Variants in JAK2 observed in about 807,000 individuals in gnomAD.
The protein encoded by JAK2 is tyrosine-protein kinase JAK2.
JAK2 carries 86 observed loss-of-function variants against 139.3 expected under a neutral mutation model. The ratio of observed to expected loss-of-function variants is 0.62; its 90% CI spans 0.52 to 0.74. JAK2 has a LOEUF of 0.74. Among genes scored for constraint, JAK2 ranks in the 30% least tolerant of loss-of-function variants. The pLI is 0.00. For missense variants in JAK2, 1,421 were observed against 1,360.3 expected, an observed-to-expected ratio of 1.04 and a Z score of -0.70; for synonymous variants, 490 against 437.7, an observed-to-expected ratio of 1.12 and a Z score of -1.49.
At chr9:5,058,153 G>A (rs1379316121) in intron 8 of JAK2, among the ~76,000 whole-genome samples, 1 of 152,092 alleles carries the variant, frequency 6.6e-6, no homozygotes, top group Non-Finnish European at 1.5e-5. Context: ...GTGAACATGG[G>A]TGTACAAATA....
In JAK2 at chr9:4,997,787, T is replaced by C. The variant is rs369403003; in HGVS notation, c.-26+11765T>C. 1.2e-4 allele frequency among the ~76,000 whole-genome samples: 18 copies of C among 152,354 alleles called. 1 individual carries two copies. In the East Asian group the frequency reaches 1.7e-3, roughly 15 times the overall value. ...ACTCAGAGAAGAAAATAGTGCATGA[T>C]AGTATAAGTCTATCTGATTGATGAG... On this transcript the variant is annotated intron_variant, in intron 2 of 24. Coordinates refer to ENST00000381652, the MANE Select transcript of JAK2 (RefSeq NM_004972.4).
intron 2 of JAK2, 65 bp from the exon 3 acceptor site, chr9:5,021,898 G>T: frequency 3.2e-6 from 3 of 935,610 alleles, no homozygotes; most frequent in Non-Finnish European, 5.0e-6. Context: ...CCCGCAAAGT[G>T]CTAGGATTAC....
intron 4 of JAK2, among the ~76,000 whole-genome samples, chr9:5,035,756 A>T (rs1020092116): frequency 6.6e-6 from 1 of 152,194 alleles, no homozygotes; most frequent in African/African-American, 2.4e-5. Flanking sequence ...TATCTATGAC[A>T]TACCGACAGC....
intron 4 of JAK2, among the ~76,000 whole-genome samples, chr9:5,037,919 G>C (rs1417646006): frequency 6.6e-6 from 1 of 152,134 alleles, no homozygotes; most frequent in East Asian, 1.9e-4. Context: ...CATAAGGTTA[G>C]TATTCTTGTA....
intron 22 of JAK2, among the ~76,000 whole-genome samples, chr9:5,116,209 C>T (rs896908279): frequency 2.6e-5 from 4 of 152,080 alleles, no homozygotes; most frequent in Non-Finnish European, 5.9e-5. Context: ...GAATAGCTTA[C>T]CCAAGGTGGC....
At chr9:5,073,828 C>T (rs561669511) in intron 14 of JAK2, 43 bp downstream of exon 14, 5 of 1,284,024 alleles carry the variant, frequency 3.9e-6, no homozygotes, top group Admixed American at 3.6e-5. Context: ...CTCAGAGCAT[C>T]TGTTTTTGTT....
intron 4 of JAK2, chr9:5,041,528 A>G (rs1816511913): frequency 3.7e-6 from 2 of 544,104 alleles, no homozygotes; most frequent in Non-Finnish European, 7.3e-6. Context: ...CGCCCATCGA[A>G]GTGCTCTGCG....
chr9:5,120,923 T>C (rs193045488), intron 22 of JAK2, among the ~76,000 whole-genome samples: 1 of 152,320 alleles, frequency 6.6e-6, no homozygotes, highest in Admixed American at 6.5e-5. Flanking sequence ...TGTTTGCCTA[T>C]AGATCTTTAA....
intron 22 of JAK2, among the ~76,000 whole-genome samples, chr9:5,102,006 T>C (rs546588856): frequency 5.1e-4 from 77 of 152,190 alleles, no homozygotes; most frequent in Admixed American, 9.2e-4. Flanking sequence ...CTCCAAAGGA[T>C]TGCAGCTCCT....
At chr9:5,042,126 T>C (rs946585537) in intron 4 of JAK2, among the ~76,000 whole-genome samples, 4 of 62,892 alleles carry the variant, frequency 6.4e-5, no homozygotes, top group Admixed American at 6.3e-4. Context: ...CAAAATTTCT[T>C]TTTTTTTTTT....
At chr9:5,094,249 A>G (rs891603177) in intron 22 of JAK2, 5 of 152,210 alleles carry the variant, frequency 3.3e-5, no homozygotes, top group Admixed American at 1.3e-4. Flanking sequence ...TTCACCAGAG[A>G]ACCCTTACGA....
At chr9:5,051,723 T>C (rs921036063) in intron 6 of JAK2, among the ~76,000 whole-genome samples, 1 of 152,200 alleles carries the variant, frequency 6.6e-6, no homozygotes, top group Non-Finnish European at 1.5e-5. Flanking sequence ...GAGTACATCA[T>C]GAGTGTGGTT....
At position 5,069,953 on chromosome 9, in the gene JAK2, G is replaced by A. The variant is rs565502628; in HGVS notation, c.1542G>A (p.Thr514=). The change falls in exon 12 of 25, where the codon ACG becomes ACA. Residue 514 remains threonine (T), a synonymous_variant. Transcript: ENST00000381652. ...KDKSNLLVFR[T]NGVSDVPTSP... The stretch of plus-strand genomic sequence containing the variant: ...AATCAAACCTTCTAGTCTTCAGAAC[G>A]AATGGTGTTTCTGATGTACCAACCT... 332 of 1,602,080 alleles carry A rather than the reference G, an allele frequency of 2.1e-4. 5 individuals are homozygous for A. In the South Asian group the frequency reaches 2.7e-3, roughly 13 times the overall value.
At chr9:5,032,338 C>G (rs1286365414) in intron 4 of JAK2, among the ~76,000 whole-genome samples, 1 of 152,230 alleles carries the variant, frequency 6.6e-6, no homozygotes, top group East Asian at 1.9e-4. Context: ...CATAGCCAAA[C>G]AAAAGGCAGC....
intron 8 of JAK2, among the ~76,000 whole-genome samples, chr9:5,056,380 T>G (rs1221986160): frequency 1.3e-5 from 2 of 152,108 alleles, no homozygotes; most frequent in East Asian, 3.8e-4. Flanking sequence ...CTCTGTCTTC[T>G]TTTTAACTCA....
chr9:5,012,627 G>A (rs1821775094), intron 2 of JAK2, among the ~76,000 whole-genome samples: 1 of 152,140 alleles, frequency 6.6e-6, no homozygotes, highest in Non-Finnish European at 1.5e-5. Flanking sequence ...TTATTTTTAT[G>A]AGCATAGCAT....
intron 2 of JAK2, among the ~76,000 whole-genome samples, chr9:5,020,792 C>T (rs1822369464): frequency 6.6e-6 from 1 of 151,994 alleles, no homozygotes; most frequent in Admixed American, 6.6e-5. Flanking sequence ...AGGCGGCAGC[C>T]AGCAATGGAG....
At chr9:5,014,641 G>C (rs1324062542) in intron 2 of JAK2, among the ~76,000 whole-genome samples, 1 of 152,106 alleles carries the variant, frequency 6.6e-6, no homozygotes, top group Non-Finnish European at 1.5e-5. Flanking sequence ...GGGTTACATA[G>C]GTATATGCAG....
At chr9:5,035,859 T>C (rs1009621150) in intron 4 of JAK2, among the ~76,000 whole-genome samples, 1 of 152,138 alleles carries the variant, frequency 6.6e-6, no homozygotes, top group Admixed American at 6.5e-5. Context: ...CTATTCAACA[T>C]AGTGTTGGAA....
Sources: gnomAD v4.1 joint callset for allele counts (sites outside exome capture counted in the v4.1 genomes callset) on GRCh38, gnomAD v4.1.1 for gene constraint, MANE v1.5 for transcripts, NCBI Gene and HGNC (gene_info 2026-07-23, HGNC 2026-07-21) for gene names.